CCDC30: variants seen among roughly 807,000 people sequenced by gnomAD.
CCDC30 encodes the protein coiled-coil domain-containing protein 30.
Under a neutral mutation model 100.2 loss-of-function variants are expected in CCDC30, and 70 were observed. The ratio of observed to expected loss-of-function variants is 0.70; its 90% CI spans 0.58 to 0.85. CCDC30 has a LOEUF of 0.85. Among genes scored for constraint, CCDC30 ranks in the 40% least tolerant of loss-of-function variants. CCDC30 has a pLI of 0.00. For missense variants in CCDC30, 652 were observed against 771.2 expected (o/e 0.85, Z 1.83); for synonymous variants, 233 against 269.5 (o/e 0.86, Z 1.33).
At chr1:42,624,002 G>T (rs1251689953) in intron 11 of CCDC30, among the ~76,000 whole-genome samples, 1 of 152,082 alleles carries the variant, frequency 6.6e-6, no homozygotes, top group East Asian at 1.9e-4. Context: ...TATTATAAAT[G>T]GAATCGCTTT....
chr1:42,507,801 C>T (rs1405046670), intron 6 of CCDC30, among the ~76,000 whole-genome samples: 2 of 152,326 alleles, frequency 1.3e-5, no homozygotes. Flanking sequence ...AGGTGGTTTA[C>T]AACCTTGAAA....
chr1:42,571,351 A>G (rs1171658742), intron 7 of CCDC30: 1 of 152,014 alleles, frequency 6.6e-6, no homozygotes, highest in Admixed American at 6.6e-5. Context: ...TCATAGTAAG[A>G]TTGTTCTTGA....
chr1:42,465,060 T>C (rs1199545602), intron 1 of CCDC30, among the ~76,000 whole-genome samples: 1 of 152,238 alleles, frequency 6.6e-6, no homozygotes, highest in Non-Finnish European at 1.5e-5. Flanking sequence ...TCCTTTCCTT[T>C]CCTCTTCTAA....
chr1:42,643,032 A>G (rs181325812), intron 13 of CCDC30, among the ~76,000 whole-genome samples: 11 of 152,332 alleles, frequency 7.2e-5, no homozygotes, highest in Admixed American at 7.2e-4. Flanking sequence ...TTATAAGCAG[A>G]AAATAAGTCA....
intron 6 of CCDC30, among the ~76,000 whole-genome samples, chr1:42,543,945 C>T (rs12032119): frequency 0.22 from 32,851 of 152,158 alleles, 3,771 homozygotes; most frequent in South Asian, 0.42. Context: ...CATGTAGAAG[C>T]TTTGCATTTT....
In CCDC30 at chr1:42,589,298, T is replaced by C. The variant is rs1191175836; in HGVS notation, c.1002-23T>C. Reference sequence around the variant, plus strand: ...TTCATTTGCAATTCATGGTGTGATTTAATCTACATTAATTGCCCTCAGGAA... The same window carrying C: ...TTCATTTGCAATTCATGGTGTGATTCAATCTACATTAATTGCCCTCAGGAA... On this transcript the variant is annotated intron_variant, in intron 9 of 16. Transcript: ENST00000668663. 2.6e-6 allele frequency: 4 copies of C among 1,551,382 alleles called. No individual in the cohort carries two copies. In the South Asian group the frequency reaches 4.9e-5, roughly 19 times the overall value.
chr1:42,573,543 A>T (rs1037874063), intron 7 of CCDC30, among the ~76,000 whole-genome samples: 1 of 151,990 alleles, frequency 6.6e-6, no homozygotes, highest in Non-Finnish European at 1.5e-5. Flanking sequence ...TCTAAAGACA[A>T]TTTGCTTTCT....
chr1:42,614,041 T>C (rs1646677224), intron 11 of CCDC30, among the ~76,000 whole-genome samples: 1 of 152,016 alleles, frequency 6.6e-6, no homozygotes, highest in Non-Finnish European at 1.5e-5. Flanking sequence ...ATACTACTAT[T>C]GATGGGGGAG....
intron 8 of CCDC30, among the ~76,000 whole-genome samples, chr1:42,577,515 C>T (rs1645865160): frequency 6.6e-6 from 1 of 152,166 alleles, no homozygotes; most frequent in African/African-American, 2.4e-5. Flanking sequence ...TATATTTTCA[C>T]ATTTGAGAAG....
intron 10 of CCDC30, among the ~76,000 whole-genome samples, chr1:42,608,562 A>G (rs112155683): frequency 0.042 from 6,401 of 151,836 alleles, 433 homozygotes; most frequent in African/African-American, 0.14. Context: ...AATTAGCCGG[A>G]CGTGGCGGTG....
chr1:42,630,679 G>A (rs1045049195), intron 11 of CCDC30, among the ~76,000 whole-genome samples: 7 of 151,986 alleles, frequency 4.6e-5, no homozygotes, highest in Non-Finnish European at 1.0e-4. Flanking sequence ...ACCGCACCTG[G>A]CCCTGTGTAT....
At chr1:42,528,149 A>C (rs1015365531) in intron 6 of CCDC30, among the ~76,000 whole-genome samples, 1 of 152,236 alleles carries the variant, frequency 6.6e-6, no homozygotes, top group Non-Finnish European at 1.5e-5. Flanking sequence ...TACAGGCATG[A>C]GCCACTGAGC....
chr1:42,554,275 C>CTTTTTTTTT (rs1286952607), intron 6 of CCDC30, among the ~76,000 whole-genome samples: 2 of 131,224 alleles, frequency 1.5e-5, no homozygotes, highest in African/African-American at 2.8e-5. Context: ...TTTATGGCTT[C>CTTTTTTTTT]TTTTTTTTTT....
intron 8 of CCDC30, among the ~76,000 whole-genome samples, chr1:42,577,462 A>G (rs983394426): frequency 5.3e-5 from 8 of 151,862 alleles, no homozygotes; most frequent in Non-Finnish European, 2.9e-5. Flanking sequence ...TAAAGCGATA[A>G]CATGAACTTA....
rs1398763141 is a variant in CCDC30 at position 42,559,370 on chromosome 1, C to G, written c.457-6926C>G. ...TGGCAAATTGGATAAGGAGTCAAGA[C>G]CCATTGGTGTGCTATGTTCAGGAGA... On this transcript the variant is annotated intron_variant, in intron 6 of 16. Coordinates refer to ENST00000668663, the Ensembl canonical transcript of CCDC30. Among the ~76,000 whole-genome samples the G allele has an allele frequency of 3.3e-5, 5 of 152,084 alleles. No individual in the cohort carries two copies. In the East Asian group the frequency reaches 9.6e-4, roughly 29 times the overall value.
intron 4 of CCDC30, among the ~76,000 whole-genome samples, chr1:42,491,147 A>G (rs1644134324): frequency 6.6e-6 from 1 of 152,262 alleles, no homozygotes; most frequent in Admixed American, 6.5e-5. Flanking sequence ...CTGCTTTCTT[A>G]GTAATTAATA....
At chr1:42,459,572 T>C (rs770561397), upstream of CCDC30, 39 of 1,579,956 alleles carry the variant, frequency 2.5e-5, no homozygotes, top group Non-Finnish European at 3.2e-5. Flanking sequence ...GACCATTGTT[T>C]GCTTATTAAG....
Position 42,563,372 on chromosome 1 carries a change from CA to C in CCDC30, c.457-2923del, listed in dbSNP as rs1178492616. 5.3e-5 allele frequency among the ~76,000 whole-genome samples: 8 copies of C among 152,104 alleles called. No individual in the cohort carries two copies. The South Asian group carries it at 1.0e-3, about 20-fold the overall frequency. Reference sequence around the variant, plus strand: ...CACAGGAACGGAAAACCAAACACTACATGTTCTCTCACTCATAAGTGGGAGT... The same window carrying C: ...CACAGGAACGGAAAACCAAACACTACTGTTCTCTCACTCATAAGTGGGAGT... On this transcript the variant is annotated intron_variant, in intron 6 of 16. Coordinates refer to ENST00000668663, the Ensembl canonical transcript of CCDC30.
In CCDC30 at chr1:42,579,640, GAGAGAGAGAGAGAA is replaced by G. The variant is rs377706929; in HGVS notation, c.847-1708_847-1695del. Among the ~76,000 whole-genome samples the G allele has an allele frequency of 1.9e-3, 292 of 150,834 alleles. 2 individuals are homozygous for G. Among genetic ancestry groups the G allele is most frequent in the African/African-American group, 6.8e-3 (278 of 41,166 alleles). On this transcript the variant is annotated intron_variant, in intron 8 of 16. Transcript: ENST00000668663. ...CAAGAGCGAAACTCTGTCTCAAAAA[GAGAGAGAGAGAGAA>G]AGAGAGAGAGAAGCAAGGAAGAAAG...
Sources: allele counts gnomAD v4.1 joint callset (sites outside exome capture counted in the v4.1 genomes callset), GRCh38; gene constraint gnomAD v4.1.1; transcripts MANE v1.5; gene names NCBI Gene and HGNC (gene_info 2026-07-23, HGNC 2026-07-21).